Variants in UBXN2B observed in about 807,000 individuals in gnomAD.
The protein encoded by UBXN2B is UBX domain protein 2B, also known as UBX domain-containing protein 2B.
A neutral mutation model predicts 37.5 loss-of-function variants in UBXN2B; 19 were observed. The ratio of observed to expected loss-of-function variants is 0.51; its 90% CI spans 0.35 to 0.74. The LOEUF (loss-of-function observed/expected upper bound fraction) is 0.74, where lower values mean the gene tolerates loss of function less well. Ranked by LOEUF, UBXN2B falls within the 30% of genes least tolerant of loss-of-function variation. UBXN2B has a pLI of 0.01. For missense variants in UBXN2B, 370 were observed against 393.2 expected (o/e 0.94, Z 0.50); for synonymous variants, 145 against 143.8 (o/e 1.01, Z -0.06).
chr8:58,414,768 T>C (rs1346467684), intron 1 of UBXN2B, among the ~76,000 whole-genome samples: 1 of 152,140 alleles, frequency 6.6e-6, no homozygotes, highest in Non-Finnish European at 1.5e-5. Flanking sequence ...TGATGTACCG[T>C]TAATAACTAG....
At chr8:58,433,761 C>A (rs1040347372) in intron 4 of UBXN2B, among the ~76,000 whole-genome samples, 2 of 151,306 alleles carry the variant, frequency 1.3e-5, no homozygotes, top group Non-Finnish European at 2.9e-5. Flanking sequence ...CATAGTAAGA[C>A]CCTGGATCTT....
chr8:58,411,447 C>T lies in UBXN2B; in HGVS notation c.62C>T (p.Pro21Leu), dbSNP rs1199768742. Residue 21 changes from proline (P) to leucine (L), a missense_variant, in exon 1 of 8, where the codon CCT becomes CTT. By Grantham distance (98) the Pro-to-Leu change is moderately conservative. Coordinates refer to ENST00000399598, the MANE Select transcript of UBXN2B (RefSeq NM_001077619.2). ...GAGAGGAGGTCTTCCGGGCCGCGGC[C>T]TCCGAGCGCGCGGGATTTGCAGGTG... is the stretch of plus-strand genomic sequence containing the variant. ...EQERRSSGPR[P>L]PSARDLQLAL... The T allele has an allele frequency of 4.8e-6, 6 of 1,257,662 alleles. No individual in the cohort carries two copies. In the South Asian group the frequency reaches 1.9e-4, roughly 41 times the overall value. 77.9% of individuals were successfully genotyped at this position (1,257,662 alleles called of 1,614,324 possible).
chr8:58,438,085 C>T (rs149499456), intron 5 of UBXN2B, among the ~76,000 whole-genome samples: 304 of 152,200 alleles, frequency 2.0e-3, no homozygotes, highest in African/African-American at 6.5e-3. Flanking sequence ...CATCTCCAGC[C>T]GCAGCTCAAA....
rs1397143756 is a variant in UBXN2B at position 58,451,427 on chromosome 8, C to A, written c.*3876C>A. On this transcript the variant is annotated 3_prime_UTR_variant, in exon 8 of 8. Coordinates refer to ENST00000399598, the MANE Select transcript of UBXN2B (RefSeq NM_001077619.2). The stretch of plus-strand genomic sequence containing the variant: ...ACAGACAACCATCTGTGAGGTCAGT[C>A]ATTTTGCATGATGTATGTAATCAAA... 3.3e-5 allele frequency: 5 copies of A among 152,178 alleles called. No homozygotes were observed. Among genetic ancestry groups the A allele is most frequent in the Admixed American group, 3.3e-4 (5 of 15,288 alleles). 9.4% of individuals were successfully genotyped at this position (152,178 alleles called of 1,614,324 possible).
At chr8:58,433,515 C>A (rs915943887) in intron 4 of UBXN2B, among the ~76,000 whole-genome samples, 2 of 150,838 alleles carry the variant, frequency 1.3e-5, no homozygotes, top group Admixed American at 1.3e-4. Context: ...TGACATGCAT[C>A]TGGAGTCCCA....
At chr8:58,435,740 T>C (rs1457614035) in intron 5 of UBXN2B, among the ~76,000 whole-genome samples, 1 of 152,162 alleles carries the variant, frequency 6.6e-6, no homozygotes, top group Non-Finnish European at 1.5e-5. Context: ...TAAACAAATG[T>C]GGTATATTAA....
Position 58,448,617 on chromosome 8 carries a change from A to T in UBXN2B, c.*1066A>T, listed in dbSNP as rs1276404239. ...TTCTAGGAAACTCACTGTATACACT[A>T]AACACTATTCTGTGTGCTCAACCTA... On this transcript the variant is annotated 3_prime_UTR_variant, in exon 8 of 8. Transcript: ENST00000399598. 6.6e-6 allele frequency: 1 copy of T among 152,562 alleles called. No homozygotes were observed. The highest frequency in any genetic ancestry group is 1.5e-5 in the Non-Finnish European group (1 of 68,036). 9.5% of individuals were successfully genotyped at this position (152,562 alleles called of 1,614,324 possible). A position where few individuals can be genotyped will look rare whatever the true frequency, so the allele number is the denominator to read the frequency against.
At chr8:58,417,058 T>C in intron 2 of UBXN2B, 105 bp downstream of exon 2, 2 of 891,424 alleles carry the variant, frequency 2.2e-6, no homozygotes, top group Non-Finnish European at 3.2e-6. Flanking sequence ...TCTTCAATAA[T>C]TTTTAAAAAT....
intron 1 of UBXN2B, chr8:58,413,473 T>G (rs1312984970): frequency 6.6e-6 from 1 of 152,216 alleles, no homozygotes; most frequent in Non-Finnish European, 1.5e-5. Context: ...AATCTAGACA[T>G]GCTTTTCTTA....
chr8:58,415,525 G>GA (rs1022744571), intron 1 of UBXN2B, among the ~76,000 whole-genome samples: 8 of 150,506 alleles, frequency 5.3e-5, no homozygotes, highest in Admixed American at 6.6e-5. Flanking sequence ...ACTGTAGGAA[G>GA]AAAAAAAAAT....
rs1008705085 is a variant in UBXN2B, at chr8:58,433,059, T to A, written c.340-101T>A. On this transcript the variant is annotated intron_variant, in intron 3 of 7. Coordinates refer to ENST00000399598, the MANE Select transcript of UBXN2B (RefSeq NM_001077619.2). ...TGAAGGCTCCCCAGTATGAGCCACT[T>A]TGGCTAATTAGAATTAATCTAGTTT... The A allele has an allele frequency of 3.2e-5, 29 of 917,860 alleles. No individual in the cohort carries two copies. In the African/African-American group the frequency reaches 4.4e-4, roughly 14 times the overall value. The allele number at this position is 917,860 out of a possible 1,614,324, so 56.9% of individuals were successfully genotyped here.
intron 2 of UBXN2B, among the ~76,000 whole-genome samples, chr8:58,428,140 A>G (rs1443832169): frequency 1.3e-5 from 2 of 152,220 alleles, no homozygotes; most frequent in Non-Finnish European, 1.5e-5. Context: ...AAACCTTGAG[A>G]TTCAGTAGCA....
intron 3 of UBXN2B, among the ~76,000 whole-genome samples, chr8:58,432,423 C>G (rs943615274): frequency 4.3e-5 from 5 of 117,282 alleles, no homozygotes; most frequent in African/African-American, 1.7e-4. Context: ...CGCTCTGTTG[C>G]CCAGGCTGGA....
At chr8:58,437,380 T>C (rs1033673305) in intron 5 of UBXN2B, among the ~76,000 whole-genome samples, 3 of 131,296 alleles carry the variant, frequency 2.3e-5, no homozygotes, top group African/African-American at 9.0e-5. Flanking sequence ...CAGGCTGGAG[T>C]GCAGTGGCGC....
intron 2 of UBXN2B, chr8:58,426,568 C>T (rs371679201): frequency 4.0e-6 from 3 of 753,622 alleles, no homozygotes; most frequent in East Asian, 5.0e-5. Context: ...AGTGTGAAGT[C>T]TCCAGGGTTA....
rs869090698 is a variant in UBXN2B, at chr8:58,446,779, ATTTTTTTTTTTTTTTTTTTT to A, written c.834-593_834-574del. ...ATACTCCGAAAAAAGTACAACCTGC[ATTTTTTTTTTTTTTTTTTTT>A]TTTTTTTTTTTTTTTTGAGACAGAG... is the stretch of plus-strand genomic sequence containing the variant. On this transcript the variant is annotated intron_variant, in intron 7 of 7. Transcript: ENST00000399598. Among the ~76,000 whole-genome samples, 21 of 17,402 alleles carry A rather than the reference ATTTTTTTTTTTTTTTTTTTT, an allele frequency of 1.2e-3. 1 individual carries two copies. In the East Asian group the frequency reaches 0.016, roughly 13 times the overall value. 11.4% of individuals were successfully genotyped at this position (17,402 alleles called of 152,430 possible).
intron 2 of UBXN2B, chr8:58,425,841 C>G: frequency 8.5e-7 from 1 of 1,173,670 alleles, no homozygotes; most frequent in Non-Finnish European, 1.3e-6. Context: ...TATTTCAGTT[C>G]CTGACAGCAA....
intron 2 of UBXN2B, among the ~76,000 whole-genome samples, chr8:58,424,179 T>C (rs1208496673): frequency 1.3e-5 from 2 of 150,544 alleles, no homozygotes; most frequent in East Asian, 2.0e-4. Context: ...CATTTCTTCT[T>C]ATCCCCGACA....
chr8:58,449,361 A>C lies in UBXN2B; in HGVS notation c.*1810A>C, dbSNP rs1388976560. On this transcript the variant is annotated 3_prime_UTR_variant, in exon 8 of 8. Transcript: ENST00000399598. ...TCAGATTCATCACAAATAAATTTAC[A>C]TCACTCATAGGTGCTCAAAAGTCAC... 6.6e-6 allele frequency: 1 copy of C among 151,608 alleles called. No individual in the cohort carries two copies. The highest frequency in any genetic ancestry group is 2.1e-4 in the South Asian group (1 of 4,802). The allele number at this position is 151,608 out of a possible 1,614,324, so 9.4% of individuals were successfully genotyped here.
Sources: gnomAD v4.1 joint callset for allele counts (sites outside exome capture counted in the v4.1 genomes callset) on GRCh38, gnomAD v4.1.1 for gene constraint, MANE v1.5 for transcripts, NCBI Gene and HGNC (gene_info 2026-07-23, HGNC 2026-07-21) for gene names.